WDR27: variants seen among roughly 807,000 people sequenced by gnomAD.
WDR27 encodes WD repeat domain 27.
WDR27 carries 100 observed loss-of-function variants against 114.4 expected under a neutral mutation model. The observed-to-expected ratio is 0.87, with a 90% CI of 0.74 to 1.03. WDR27 has a LOEUF of 1.03. Among genes scored for constraint, WDR27 ranks in the 50% least tolerant of loss-of-function variants. The pLI is 0.00. For synonymous variants in WDR27, 449 were observed against 423.1 expected, an observed-to-expected ratio of 1.06 and a Z score of -0.75; for missense variants, 1,129 against 1,092.9, an observed-to-expected ratio of 1.03 and a Z score of -0.47.
intron 25 of WDR27, among the ~76,000 whole-genome samples, chr6:169,527,819 C>T (rs1349217458): frequency 6.6e-6 from 1 of 152,006 alleles, no homozygotes; most frequent in Non-Finnish European, 1.5e-5. Context: ...TTTTGTAAAA[C>T]GTCAGCTAAG....
intron 21 of WDR27, among the ~76,000 whole-genome samples, chr6:169,618,639 A>AC (rs1369659753): frequency 6.6e-6 from 1 of 151,502 alleles, no homozygotes; most frequent in East Asian, 1.9e-4. Context: ...AAAAAAAAAA[A>AC]AAAAAAAAAA....
intron 18 of WDR27, 55 bp downstream of exon 18, chr6:169,638,481 GAGA>G: frequency 6.3e-7 from 1 of 1,584,246 alleles, no homozygotes; most frequent in Non-Finnish European, 8.6e-7. Context: ...TGAGACTTTT[GAGA>G]AGCTCTCAGC....
At chr6:169,546,719 C>T (rs1797497960) in intron 25 of WDR27, among the ~76,000 whole-genome samples, 1 of 152,188 alleles carries the variant, frequency 6.6e-6, no homozygotes, top group South Asian at 2.1e-4. Context: ...GGTCAAGGAG[C>T]TACCACAAAA....
At chr6:169,427,687 C>T in the WDR27 span, among the ~76,000 whole-genome samples, 1 of 151,984 alleles carries the variant, frequency 6.6e-6, no homozygotes, top group Non-Finnish European at 1.5e-5. Context: ...CTGAATCCCA[C>T]CTGTGCCCTT....
chr6:169,626,829 C>T (rs1345912410), intron 21 of WDR27, among the ~76,000 whole-genome samples: 1 of 152,214 alleles, frequency 6.6e-6, no homozygotes, highest in African/African-American at 2.4e-5. Flanking sequence ...GTGTGTAAAA[C>T]AGATAAAGGC....
At chr6:169,447,690 T>C in the WDR27 span, among the ~76,000 whole-genome samples, 1 of 152,232 alleles carries the variant, frequency 6.6e-6, no homozygotes, top group Non-Finnish European at 1.5e-5. Flanking sequence ...GGGGTTTCCA[T>C]CAATCTCATT....
intron 23 of WDR27, among the ~76,000 whole-genome samples, chr6:169,587,480 A>G (rs945857110): frequency 6.6e-6 from 1 of 151,986 alleles, no homozygotes; most frequent in African/African-American, 2.4e-5. Context: ...TGGCCTCCCA[A>G]AGTGCTGGGA....
At chr6:169,616,125 A>G (rs550056778) in intron 21 of WDR27, among the ~76,000 whole-genome samples, 18 of 152,334 alleles carry the variant, frequency 1.2e-4, no homozygotes, top group South Asian at 6.2e-4. Context: ...ACGTGAAAAT[A>G]TAAGAAGACT....
At chr6:169,481,875 TA>T in intron 25 of WDR27, among the ~76,000 whole-genome samples, 1 of 152,332 alleles carries the variant, frequency 6.6e-6, no homozygotes, top group South Asian at 2.1e-4. Flanking sequence ...TTAAAAACTG[TA>T]ACACTCACTG....
intron 23 of WDR27, among the ~76,000 whole-genome samples, chr6:169,594,801 A>G (rs941479819): frequency 6.6e-6 from 1 of 152,248 alleles, no homozygotes; most frequent in Non-Finnish European, 1.5e-5. Flanking sequence ...GGATTAAAGC[A>G]TCTCCTGTAT....
intron 2 of WDR27, among the ~76,000 whole-genome samples, chr6:169,674,968 C>G (rs1647689476): frequency 6.6e-6 from 1 of 152,062 alleles, no homozygotes. Flanking sequence ...CAGGATGAGC[C>G]AGGAGAAGGA....
chr6:169,554,330 T>C (rs1365347229), intron 25 of WDR27, among the ~76,000 whole-genome samples: 5 of 152,138 alleles, frequency 3.3e-5, no homozygotes, highest in African/African-American at 1.2e-4. Flanking sequence ...TGATGGTGAA[T>C]GCAGGAAGAC....
At chr6:169,534,855 A>T (rs1796035245) in intron 25 of WDR27, among the ~76,000 whole-genome samples, 1 of 151,894 alleles carries the variant, frequency 6.6e-6, no homozygotes, top group Non-Finnish European at 1.5e-5. Flanking sequence ...ATCTGGATAT[A>T]CTAATTTGTT....
At chr6:169,582,649 T>C (rs1383122009) in intron 24 of WDR27, among the ~76,000 whole-genome samples, 187 bp downstream of exon 24, 2 of 152,144 alleles carry the variant, frequency 1.3e-5, no homozygotes, top group African/African-American at 2.4e-5. Flanking sequence ...TTCTCCACAA[T>C]AAAGGTTTAT....
chr6:169,535,210 T>C (rs937020620), intron 25 of WDR27, among the ~76,000 whole-genome samples: 8 of 152,226 alleles, frequency 5.3e-5, no homozygotes, highest in Admixed American at 2.0e-4. Context: ...GATCCTTTCA[T>C]TGTTTGATAC....
At chr6:169,547,276 C>T (rs985220600) in intron 25 of WDR27, among the ~76,000 whole-genome samples, 4 of 152,008 alleles carry the variant, frequency 2.6e-5, no homozygotes, top group African/African-American at 9.7e-5. Context: ...CTATAATCTC[C>T]TTTAAAGGAT....
At chr6:169,650,298 CTG>C (rs1822008415) in intron 14 of WDR27, among the ~76,000 whole-genome samples, 2 of 147,210 alleles carry the variant, frequency 1.4e-5, no homozygotes, top group African/African-American at 2.5e-5. Flanking sequence ...TCCCTCATCT[CTG>C]CATCCCTCCA....
chr6:169,432,541 T>C, the WDR27 span, among the ~76,000 whole-genome samples: 4 of 152,230 alleles, frequency 2.6e-5, no homozygotes, highest in Admixed American at 1.3e-4. Context: ...CAAGATCTGA[T>C]GGTTTTACAA....
At chr6:169,444,016 T>C in the WDR27 span, among the ~76,000 whole-genome samples, 3 of 152,174 alleles carry the variant, frequency 2.0e-5, no homozygotes, top group South Asian at 6.2e-4. Context: ...CAGGTTGCAG[T>C]CAACGTGCTC....
Sources: allele counts gnomAD v4.1 joint callset (sites outside exome capture counted in the v4.1 genomes callset), GRCh38; gene constraint gnomAD v4.1.1; transcripts MANE v1.5; gene names NCBI Gene and HGNC (gene_info 2026-07-23, HGNC 2026-07-21).